CDH18: variants seen among roughly 807,000 people sequenced by gnomAD.
The protein encoded by CDH18 is cadherin-18.
CDH18 carries 31 observed loss-of-function variants against 67.9 expected under a neutral mutation model. The ratio of observed to expected loss-of-function variants is 0.46; its 90% confidence interval spans 0.34 to 0.62. CDH18 has a LOEUF of 0.62. Ranked by LOEUF, CDH18 falls within the 20% of genes least tolerant of loss-of-function variation. CDH18 has a pLI of 0.01. For missense variants in CDH18, 890 were observed against 975.5 expected, an observed-to-expected ratio of 0.91 and a Z score of 1.17; for synonymous variants, 362 against 347.2, an observed-to-expected ratio of 1.04 and a Z score of -0.48.
chr5:20,105,994 C>T (rs1449444799), intron 2 of CDH18, among the ~76,000 whole-genome samples: 1 of 152,042 alleles, frequency 6.6e-6, no homozygotes, highest in African/African-American at 2.4e-5. Flanking sequence ...TTTTTGTTCT[C>T]TTTTCTGTCC....
At chr5:20,353,584 T>C (rs1454024882) in intron 1 of CDH18, among the ~76,000 whole-genome samples, 1 of 152,190 alleles carries the variant, frequency 6.6e-6, no homozygotes, top group African/African-American at 2.4e-5. Context: ...AATGTTCTCT[T>C]CTGACTCACC....
chr5:20,420,724 G>A (rs1045006605), intron 1 of CDH18, among the ~76,000 whole-genome samples: 39 of 151,104 alleles, frequency 2.6e-4, no homozygotes. Context: ...GAGTCTACAA[G>A]AAACTATTGA....
chr5:20,390,885 G>GGAC (rs1204551138), intron 1 of CDH18, among the ~76,000 whole-genome samples: 8 of 151,920 alleles, frequency 5.3e-5, no homozygotes, highest in Non-Finnish European at 8.8e-5. Flanking sequence ...ACTATCACAA[G>GGAC]GACAAAAAAC....
intron 3 of CDH18, among the ~76,000 whole-genome samples, chr5:19,791,296 C>G (rs926132265): frequency 1.3e-5 from 2 of 150,138 alleles, no homozygotes; most frequent in Non-Finnish European, 3.0e-5. Flanking sequence ...CAGGTACTCA[C>G]GGAACACAGA....
At chr5:20,339,173 C>A (rs978252390) in intron 1 of CDH18, among the ~76,000 whole-genome samples, 5 of 152,140 alleles carry the variant, frequency 3.3e-5, no homozygotes, top group Admixed American at 6.5e-5. Context: ...TCAGCCTCCA[C>A]TCCCCTCAAG....
intron 2 of CDH18, among the ~76,000 whole-genome samples, chr5:20,238,790 T>C (rs1742665609): frequency 6.6e-6 from 1 of 152,190 alleles, no homozygotes; most frequent in African/African-American, 2.4e-5. Context: ...AAATGTCTCT[T>C]GATAGATGCA....
At chr5:19,640,757 A>G (rs1561524651) in intron 5 of CDH18, among the ~76,000 whole-genome samples, 1 of 152,192 alleles carries the variant, frequency 6.6e-6, no homozygotes, top group East Asian at 1.9e-4. Flanking sequence ...ATTTCAAATA[A>G]ACAGTATAAC....
intron 1 of CDH18, among the ~76,000 whole-genome samples, chr5:20,424,610 G>A (rs550457715): frequency 5.3e-5 from 8 of 149,876 alleles, no homozygotes; most frequent in African/African-American, 1.5e-4. Context: ...TTAGCCAGGC[G>A]TGGTGGTGCA....
chr5:19,548,503 C>T lies in CDH18; in HGVS notation c.1254-4498G>A, dbSNP rs79381147. On this transcript the variant is annotated intron_variant, in intron 8 of 12. Transcript: ENST00000382275. ...TGCGTATATGAGTTATTTAACAAAG[C>T]TATCTAGTAAGAGGTAAGAAAATCT... Among the ~76,000 whole-genome samples, 1,379 of 151,938 alleles carry T rather than the reference C, an allele frequency of 9.1e-3. 47 individuals carry two copies. The East Asian group carries it at 0.094, about 10-fold the overall frequency.
At chr5:19,752,527 C>T (rs928892144) in intron 3 of CDH18, among the ~76,000 whole-genome samples, 10 of 152,090 alleles carry the variant, frequency 6.6e-5, no homozygotes, top group African/African-American at 2.4e-4. Flanking sequence ...CAGCAAGACC[C>T]ACCCAAGAAA....
chr5:20,397,883 A>T (rs543472153), intron 1 of CDH18, among the ~76,000 whole-genome samples: 3 of 152,214 alleles, frequency 2.0e-5, no homozygotes, highest in African/African-American at 2.4e-5. Context: ...CATTTTCAAC[A>T]AAGTGAAATG....
At chr5:19,864,988 C>T (rs746393617) in intron 2 of CDH18, among the ~76,000 whole-genome samples, 5 of 152,104 alleles carry the variant, frequency 3.3e-5, no homozygotes, top group Non-Finnish European at 7.3e-5. Flanking sequence ...GAAGAATTTC[C>T]TCCACAATCA....
At chr5:20,016,370 G>A (rs1057310902) in intron 2 of CDH18, among the ~76,000 whole-genome samples, 2 of 152,026 alleles carry the variant, frequency 1.3e-5, no homozygotes, top group Admixed American at 6.6e-5. Flanking sequence ...GGTACTATAC[G>A]TAGTACCTGA....
intron 2 of CDH18, among the ~76,000 whole-genome samples, chr5:20,116,521 A>C (rs1239438317): frequency 1.3e-5 from 2 of 152,106 alleles, no homozygotes; most frequent in Non-Finnish European, 2.9e-5. Context: ...CTCTTAAAAA[A>C]AAAAAAATTA....
chr5:20,198,035 T>G (rs1318377623), intron 2 of CDH18, among the ~76,000 whole-genome samples: 1 of 152,078 alleles, frequency 6.6e-6, no homozygotes, highest in African/African-American at 2.4e-5. Flanking sequence ...TACCGCCCTG[T>G]GAAGAGGTGC....
intron 2 of CDH18, among the ~76,000 whole-genome samples, chr5:19,897,307 G>A (rs1347808241): frequency 1.3e-5 from 2 of 152,020 alleles, no homozygotes; most frequent in Non-Finnish European, 2.9e-5. Flanking sequence ...CCATATTGTT[G>A]CTAAACATAT....
At chr5:20,143,222 C>G (rs774108844) in intron 2 of CDH18, among the ~76,000 whole-genome samples, 1 of 151,852 alleles carries the variant, frequency 6.6e-6, no homozygotes, top group Non-Finnish European at 1.5e-5. Flanking sequence ...CCGATGAAGT[C>G]TCCAATGGAA....
chr5:19,784,226 T>C lies in CDH18; in HGVS notation c.229-36990A>G, dbSNP rs570892376. 4.6e-5 allele frequency among the ~76,000 whole-genome samples: 7 copies of C among 152,216 alleles called. No individual in the cohort carries two copies. The South Asian group carries it at 1.5e-3, about 32-fold the overall frequency. ...CACAAAAATAAGAAGAGGGAAAAAT[T>C]CAAACAGTTTATGAGTATGTTCAAA... On this transcript the variant is annotated intron_variant, in intron 3 of 12. Transcript: ENST00000382275.
chr5:19,580,490 T>TG (rs1321790589), intron 7 of CDH18, among the ~76,000 whole-genome samples: 2 of 151,938 alleles, frequency 1.3e-5, no homozygotes, highest in Admixed American at 1.3e-4. Flanking sequence ...GGAATTTGAT[T>TG]AATAGCTCTT....
Sources: gnomAD v4.1 joint callset for allele counts (sites outside exome capture counted in the v4.1 genomes callset) on GRCh38, gnomAD v4.1.1 for gene constraint, MANE v1.5 for transcripts, NCBI Gene and HGNC (gene_info 2026-07-23, HGNC 2026-07-21) for gene names.